XRN1: variants seen among roughly 807,000 people sequenced by gnomAD.
The protein encoded by XRN1 is 5'-3' exoribonuclease 1, also known as strand-exchange protein 1 homolog.
Under a neutral mutation model 222.3 loss-of-function variants are expected in XRN1, and 67 were observed. The ratio of observed to expected loss-of-function variants is 0.30; its 90% confidence interval spans 0.25 to 0.37. The LOEUF (loss-of-function observed/expected upper bound fraction) is 0.37. XRN1 is among the 10% of genes least tolerant of loss of function. The pLI is 1.00. For synonymous variants in XRN1, 643 were observed against 652.4 expected (o/e 0.99, Z 0.22); for missense variants, 1,707 against 2,000.2 (o/e 0.85, Z 2.80).
intron 20 of XRN1, among the ~76,000 whole-genome samples, chr3:142,396,604 G>A (rs748665450): frequency 1.3e-5 from 2 of 152,050 alleles, no homozygotes; most frequent in Non-Finnish European, 2.9e-5. Context: ...ACGTTTTCCC[G>A]GTTTATTCAT....
chr3:142,421,973 C>T lies in XRN1; in HGVS notation c.968-430G>A, dbSNP rs567044960. On this transcript the variant is annotated intron_variant, in intron 8 of 40. Transcript: ENST00000392981. ...ATAAACACTGTGATGCATATCCATT[C>T]GAAAAAAATTGAATTTCTATGCTTA... Among the ~76,000 whole-genome samples the T allele has an allele frequency of 1.2e-4, 18 of 151,900 alleles. No individual in the cohort carries two copies. In the South Asian group the frequency reaches 2.3e-3, roughly 19 times the overall value.
At chr3:142,404,017 T>G in intron 16 of XRN1, 28 bp from the exon 17 acceptor site, 1 of 1,504,226 alleles carries the variant, frequency 6.6e-7, no homozygotes, top group Non-Finnish European at 9.2e-7. Context: ...GCATTTAATT[T>G]AAAATTAATA....
chr3:142,376,305 AC>A, intron 24 of XRN1, 173 bp downstream of exon 24: 1 of 700,422 alleles, frequency 1.4e-6, no homozygotes, highest in Non-Finnish European at 2.4e-6. Context: ...GTCTTTTCCA[AC>A]CACCTAAAAC....
At chr3:142,348,098 G>A (rs1020031945) in intron 32 of XRN1, among the ~76,000 whole-genome samples, 20 of 152,176 alleles carry the variant, frequency 1.3e-4, no homozygotes, top group Admixed American at 1.2e-3. Flanking sequence ...AGGGGTTATA[G>A]AAGAAATAGT....
At chr3:142,418,050 T>C (rs2068855489) in intron 12 of XRN1, 1 of 155,604 alleles carries the variant, frequency 6.4e-6, no homozygotes, top group Non-Finnish European at 1.4e-5. Flanking sequence ...TTTCATGTCT[T>C]GCCTTTACAA....
chr3:142,314,904 CAAAAAAAAAAAAAAAAAAA>C (rs776430519), intron 39 of XRN1, among the ~76,000 whole-genome samples: 1 of 22,300 alleles, frequency 4.5e-5, no homozygotes, highest in Non-Finnish European at 9.4e-5. Flanking sequence ...GACTCTGTCT[CAAAAAAAAAAAAAAAAAAA>C]AAAAAAAAAA....
Position 142,412,577 on chromosome 3 carries a change from C to T in XRN1, c.1680G>A (p.Trp560Ter). ...KTDLNGKQQEWEAVVLIPFID... is the reference protein window; with the variant it reads ...KTDLNGKQQE ...TAAAAGGGATTAACACCACAGCTTC[C>T]CATTCCTGTTGTTTCCCATTTAGGT... The change falls in exon 15 of 41, where the codon TGG becomes TGA. Residue 560 changes from tryptophan to a stop codon, truncating the protein, a stop_gained. Transcript: ENST00000392981. LOFTEE classifies it high-confidence loss of function. The T allele has an allele frequency of 6.2e-7, 1 of 1,607,662 alleles. No homozygotes were observed. The highest frequency in any genetic ancestry group is 8.5e-7 in the Non-Finnish European group (1 of 1,175,806).
At chr3:142,362,701 T>G (rs977030101) in intron 29 of XRN1, among the ~76,000 whole-genome samples, 1 of 149,314 alleles carries the variant, frequency 6.7e-6, no homozygotes, top group Non-Finnish European at 1.5e-5. Flanking sequence ...TCTCCCTCCC[T>G]TCTTTTCTTT....
At chr3:142,414,359 T>A in intron 13 of XRN1, 68 bp from the exon 14 acceptor site, 1 of 1,182,720 alleles carries the variant, frequency 8.5e-7, no homozygotes, top group Non-Finnish European at 1.1e-6. Context: ...AAACATATAC[T>A]TTTCCCCATA....
chr3:142,410,415 T>C (rs2068519384), intron 15 of XRN1, among the ~76,000 whole-genome samples: 1 of 152,134 alleles, frequency 6.6e-6, no homozygotes, highest in East Asian at 1.9e-4. Context: ...CAAACTAACT[T>C]TGTATTTCTA....
chr3:142,426,879 G>A (rs2069276365), intron 2 of XRN1, 38 bp from the exon 3 acceptor site: 1 of 1,540,482 alleles, frequency 6.5e-7, no homozygotes, highest in Non-Finnish European at 8.9e-7. Flanking sequence ...TAAGTTTTCT[G>A]AAAAAAAGTG....
chr3:142,362,947 A>AT (rs1491178012), intron 29 of XRN1, among the ~76,000 whole-genome samples: 5 of 150,782 alleles, frequency 3.3e-5, no homozygotes, highest in African/African-American at 4.9e-5. Context: ...ATTAAAAAAA[A>AT]TTTTTTTAGT....
At chr3:142,312,322 C>T (rs894188569) in intron 40 of XRN1, among the ~76,000 whole-genome samples, 2 of 152,014 alleles carry the variant, frequency 1.3e-5, no homozygotes, top group African/African-American at 4.8e-5. Context: ...TACAATTCTT[C>T]ATAGGTTATT....
intron 20 of XRN1, among the ~76,000 whole-genome samples, chr3:142,387,815 CG>C (rs1559839796): frequency 6.6e-6 from 1 of 151,964 alleles, no homozygotes; most frequent in Non-Finnish European, 1.5e-5. Context: ...GAGGAGGATA[CG>C]GGGGTTTATC....
chr3:142,374,069 T>G (rs2067067375), intron 25 of XRN1, among the ~76,000 whole-genome samples: 1 of 152,122 alleles, frequency 6.6e-6, no homozygotes. Context: ...ATCGATCAAG[T>G]GCAGGAGAAG....
chr3:142,424,269 A>G (rs2069158696), intron 5 of XRN1, among the ~76,000 whole-genome samples: 1 of 151,788 alleles, frequency 6.6e-6, no homozygotes, highest in Admixed American at 6.6e-5. Context: ...TAATTTTTGT[A>G]TTTTTTAGTA....
chr3:142,349,366 A>T (rs2066242455), intron 32 of XRN1, among the ~76,000 whole-genome samples: 1 of 152,126 alleles, frequency 6.6e-6, no homozygotes, highest in Admixed American at 6.6e-5. Flanking sequence ...GACTCTAAGG[A>T]GAAGAATTAG....
chr3:142,334,840 ATTT>A (rs35363343), intron 34 of XRN1, among the ~76,000 whole-genome samples: 1 of 140,620 alleles, frequency 7.1e-6, no homozygotes, highest in Non-Finnish European at 1.6e-5. Flanking sequence ...CAAGTGATTA[ATTT>A]TTTTTTTTTT....
chr3:142,322,542 C>T (rs1237595087), intron 37 of XRN1, among the ~76,000 whole-genome samples: 3 of 151,924 alleles, frequency 2.0e-5, no homozygotes, highest in Middle Eastern at 3.4e-3. Context: ...AAAAATTAGC[C>T]GGGTGGGGTT....
Sources: gnomAD v4.1 joint callset for allele counts (sites outside exome capture counted in the v4.1 genomes callset) on GRCh38, gnomAD v4.1.1 for gene constraint, MANE v1.5 for transcripts, NCBI Gene and HGNC (gene_info 2026-07-23, HGNC 2026-07-21) for gene names.